Variants in THSD7A observed in about 807,000 individuals in gnomAD.
The protein encoded by THSD7A is thrombospondin type 1 domain containing 7A, also known as thrombospondin type-1 domain-containing protein 7A.
THSD7A carries 96 observed loss-of-function variants against 231.3 expected under a neutral mutation model. The observed-to-expected ratio is 0.41, with a 90% CI of 0.35 to 0.49. THSD7A has a LOEUF of 0.49. Among genes scored for constraint, THSD7A ranks in the 20% least tolerant of loss-of-function variants. The probability of loss-of-function intolerance (pLI) is 0.05; values close to 1 mark genes in which losing one functional copy is unlikely to be tolerated. For missense variants in THSD7A, 2,290 were observed against 2,070.2 expected (o/e 1.11, Z -2.06); for synonymous variants, 940 against 743.3 (o/e 1.26, Z -4.30).
At chr7:11,593,566 G>C (rs2354954) in intron 2 of THSD7A, 64 bp from the exon 3 acceptor site, 2 of 1,558,792 alleles carry the variant, frequency 1.3e-6, no homozygotes, top group Non-Finnish European at 1.7e-6. Context: ...TGTCTTCTAC[G>C]CTCAAGAGTG....
intron 6 of THSD7A, among the ~76,000 whole-genome samples, chr7:11,524,027 T>C (rs546047391): frequency 6.2e-4 from 95 of 152,344 alleles, no homozygotes; most frequent in African/African-American, 2.1e-3. Flanking sequence ...AGTTTCTATT[T>C]CAAAACACTG....
chr7:11,803,145 C>A lies in THSD7A; in HGVS notation c.190+28612G>T, dbSNP rs1177461337. On this transcript the variant is annotated intron_variant, in intron 1 of 27. Coordinates refer to ENST00000423059, the MANE Select transcript of THSD7A (RefSeq NM_015204.3). ...AGGAGTTAAGAGGGTGAAGGTGGGA[C>A]TTTTTCAACAGGCAGCAGCATGTTC... Among the ~76,000 whole-genome samples, 3 of 152,052 alleles carry A rather than the reference C, an allele frequency of 2.0e-5. No individual in the cohort carries two copies. In the East Asian group the frequency reaches 5.8e-4, roughly 29 times the overall value.
At chr7:11,463,595 C>T (rs1330350105) in intron 9 of THSD7A, among the ~76,000 whole-genome samples, 3 of 152,066 alleles carry the variant, frequency 2.0e-5, no homozygotes, top group South Asian at 2.1e-4. Flanking sequence ...TGTGGGGTGT[C>T]GTCTGTACTA....
chr7:11,552,384 C>A (rs1047904819), intron 4 of THSD7A, among the ~76,000 whole-genome samples: 2 of 152,018 alleles, frequency 1.3e-5, no homozygotes, highest in African/African-American at 4.8e-5. Flanking sequence ...CAGGTTAAAA[C>A]ATTGTGCTTT....
chr7:11,565,727 CATG>C (rs908338948), intron 4 of THSD7A, among the ~76,000 whole-genome samples: 3 of 152,140 alleles, frequency 2.0e-5, no homozygotes, highest in Non-Finnish European at 2.9e-5. Context: ...ACCCCTAGAC[CATG>C]ATAAGTCTAT....
At chr7:11,665,659 C>A (rs1316903207) in intron 1 of THSD7A, among the ~76,000 whole-genome samples, 2 of 152,102 alleles carry the variant, frequency 1.3e-5, no homozygotes, top group African/African-American at 2.4e-5. Context: ...CTCTCTAAAA[C>A]TGTGAGGCAC....
intron 2 of THSD7A, 129 bp downstream of exon 2, chr7:11,635,996 CTTAAA>C (rs1038736079): frequency 2.1e-4 from 157 of 756,506 alleles, no homozygotes; most frequent in Non-Finnish European, 2.6e-4. Flanking sequence ...GCTCAGAAGC[CTTAAA>C]TTTGGGGGTA....
chr7:11,821,213 T>A, intron 1 of THSD7A: 1 of 1,185,046 alleles, frequency 8.4e-7, no homozygotes, highest in Non-Finnish European at 1.3e-6. Context: ...TGAACAATGG[T>A]CACTATATGT....
intron 1 of THSD7A, among the ~76,000 whole-genome samples, chr7:11,775,841 G>A (rs1203494947): frequency 6.6e-6 from 1 of 152,072 alleles, no homozygotes; most frequent in Non-Finnish European, 1.5e-5. Context: ...TTAGTGTTAT[G>A]AATATTTTAC....
chr7:11,614,847 G>A (rs933614406), intron 2 of THSD7A, among the ~76,000 whole-genome samples: 2 of 152,090 alleles, frequency 1.3e-5, no homozygotes, highest in African/African-American at 4.8e-5. Flanking sequence ...TAAACATCAA[G>A]AAGAGATGAA....
chr7:11,464,147 T>C (rs1583790364), intron 9 of THSD7A, among the ~76,000 whole-genome samples: 1 of 151,946 alleles, frequency 6.6e-6, no homozygotes, highest in Non-Finnish European at 1.5e-5. Flanking sequence ...TTTATGTGTA[T>C]GAACTGTCCA....
chr7:11,804,415 A>G (rs1784350265), intron 1 of THSD7A, among the ~76,000 whole-genome samples: 1 of 152,176 alleles, frequency 6.6e-6, no homozygotes, highest in African/African-American at 2.4e-5. Flanking sequence ...ATGAGTTTCG[A>G]AGTTATCAGT....
chr7:11,629,268 CAT>C lies in THSD7A; in HGVS notation c.1022+6860_1022+6861del, dbSNP rs147877933. ...GTGATAGTGGACCTCTAAGGTCAAACATAATATACTGCCTGGTCAGCTCGACA... is the reference window on the plus strand; with the variant it reads ...GTGATAGTGGACCTCTAAGGTCAAACAATATACTGCCTGGTCAGCTCGACA... On this transcript the variant is annotated intron_variant, in intron 2 of 27. Coordinates refer to ENST00000423059, the MANE Select transcript of THSD7A (RefSeq NM_015204.3). 3.2e-3 allele frequency among the ~76,000 whole-genome samples: 483 copies of C among 152,212 alleles called. 1 individual carries two copies. The highest frequency in any genetic ancestry group is 5.1e-3 in the Non-Finnish European group (347 of 68,010).
intron 1 of THSD7A, among the ~76,000 whole-genome samples, chr7:11,780,708 A>G (rs1355992413): frequency 6.6e-6 from 1 of 152,190 alleles, no homozygotes; most frequent in Non-Finnish European, 1.5e-5. Context: ...AATGTGAAAA[A>G]ATAAATGTTT....
At chr7:11,719,052 G>A (rs1225822674) in intron 1 of THSD7A, among the ~76,000 whole-genome samples, 2 of 150,882 alleles carry the variant, frequency 1.3e-5, no homozygotes, top group African/African-American at 4.9e-5. Context: ...AAGCAATATC[G>A]TGTGTGTGTG....
chr7:11,409,038 C>T (rs1236414959), intron 19 of THSD7A, among the ~76,000 whole-genome samples: 3 of 152,162 alleles, frequency 2.0e-5, no homozygotes, highest in African/African-American at 7.2e-5. Flanking sequence ...TCCTGTACTA[C>T]TTTTTTCCTT....
At chr7:11,735,562 A>C (rs1170605717) in intron 1 of THSD7A, among the ~76,000 whole-genome samples, 1 of 141,506 alleles carries the variant, frequency 7.1e-6, no homozygotes, top group Non-Finnish European at 1.5e-5. Flanking sequence ...CATTATGTAT[A>C]TGTATTTCAA....
chr7:11,779,036 T>C (rs1334861324), intron 1 of THSD7A, among the ~76,000 whole-genome samples: 1 of 152,142 alleles, frequency 6.6e-6, no homozygotes, highest in Non-Finnish European at 1.5e-5. Context: ...AGTTCTGTGG[T>C]GATTTCCTAG....
intron 7 of THSD7A, among the ~76,000 whole-genome samples, chr7:11,476,316 G>C (rs1246277315): frequency 9.5e-6 from 1 of 105,158 alleles, no homozygotes. Flanking sequence ...GCCTCTGGAA[G>C]ATACACACAC....
Sources: allele counts gnomAD v4.1 joint callset (sites outside exome capture counted in the v4.1 genomes callset), GRCh38; gene constraint gnomAD v4.1.1; transcripts MANE v1.5; gene names NCBI Gene and HGNC (gene_info 2026-07-23, HGNC 2026-07-21).